The following CRAMP1 variants were observed in gnomAD, a reference collection of about 807,000 sequenced individuals.
CRAMP1 encodes the protein cramped chromatin regulator 1, also known as protein cramped-like.
A neutral mutation model predicts 115.4 loss-of-function variants in CRAMP1; 50 were observed. The ratio of observed to expected loss-of-function variants is 0.43; its 90% CI spans 0.35 to 0.55. CRAMP1 has a LOEUF of 0.55. Ranked by LOEUF, CRAMP1 falls within the 20% of genes least tolerant of loss-of-function variation. The pLI, the probability that CRAMP1 is intolerant of heterozygous loss-of-function variation, is 0.01. For missense variants in CRAMP1, 1,679 were observed against 1,721.7 expected (o/e 0.98, Z 0.44); for synonymous variants, 866 against 745.4 (o/e 1.16, Z -2.64).
At chr16:1,640,290 G>C (rs560167219) in intron 5 of CRAMP1, among the ~76,000 whole-genome samples, 1 of 152,038 alleles carries the variant, frequency 6.6e-6, no homozygotes, top group African/African-American at 2.4e-5. Flanking sequence ...CTGATCTGAC[G>C]GGTTCATTCT....
chr16:1,619,304 C>G (rs2036446717), intron 2 of CRAMP1, among the ~76,000 whole-genome samples: 1 of 152,196 alleles, frequency 6.6e-6, no homozygotes, highest in African/African-American at 2.4e-5. Context: ...TCTCAGCCTC[C>G]TGAGGAGCTG....
Position 1,671,158 on chromosome 16 carries a change from G to C in CRAMP1, c.3645+349G>C, listed in dbSNP as rs2036919107. Among the ~76,000 whole-genome samples, 1 of 152,184 alleles carries C rather than the reference G, an allele frequency of 6.6e-6. No homozygotes were observed. Among genetic ancestry groups the C allele is most frequent in the African/African-American group, 2.4e-5 (1 of 41,432 alleles). Reference sequence around the variant, plus strand: ...CTGGCTGTGAGGTGCTGAGGTGCGGGGAGTGTTGTGGAGGGAGGAGTAAGG... The same window carrying C: ...CTGGCTGTGAGGTGCTGAGGTGCGGCGAGTGTTGTGGAGGGAGGAGTAAGG... On this transcript the variant is annotated intron_variant, in intron 20 of 20. Transcript: ENST00000397412. The surrounding 1 kb of genome is among the most constrained non-coding windows in gnomAD (Gnocchi z 5.0).
At chr16:1,623,670 T>G (rs1325547981) in intron 2 of CRAMP1, among the ~76,000 whole-genome samples, 1 of 152,142 alleles carries the variant, frequency 6.6e-6, no homozygotes, top group African/African-American at 2.4e-5. Context: ...GGTGCAGAGG[T>G]GGACAGGCAG....
chr16:1,660,086 C>T (rs545451396), intron 11 of CRAMP1, 23 bp downstream of exon 11: 2 of 1,514,464 alleles, frequency 1.3e-6, no homozygotes, highest in South Asian at 1.2e-5. Flanking sequence ...CAGCCACACT[C>T]CTTGTGCCTG....
In CRAMP1 at chr16:1,669,009, G is replaced by C; in HGVS notation, c.3343G>C (p.Val1115Leu). The C allele has an allele frequency of 6.2e-7, 1 of 1,613,118 alleles. No individual in the cohort carries two copies. The highest frequency in any genetic ancestry group is 8.5e-7 in the Non-Finnish European group (1 of 1,179,486). The change falls in exon 19 of 21, where the codon GTC (valine) becomes CTC (leucine). Residue 1115 changes from valine (V) to leucine (L), a missense_variant. Physicochemically the swap from Val to Leu is conservative, Grantham distance 32 (BLOSUM62 1). Around this residue, in one of 8 missense-constraint regions of CRAMP1, gnomAD observed 709 missense variants for 741.9 expected, o/e 0.96. Transcript: ENST00000397412. The surrounding 1 kb of genome is among the most constrained non-coding windows in gnomAD (Gnocchi z 4.6). ...AISSGQYGEG[V>L]PLSPAKLNGS... is the part of the protein sequence containing the mutation. ...GGGATCTTGGTTGGCAGGTGAAGGA[G>C]TCCCTCTTTCTCCAGCAAAACTGAA...
intron 3 of CRAMP1, among the ~76,000 whole-genome samples, chr16:1,629,414 C>T (rs553256854): frequency 6.6e-6 from 1 of 152,298 alleles, no homozygotes; most frequent in Admixed American, 6.5e-5. Context: ...TTCTCATTGC[C>T]GTTACCGTGT....
At chr16:1,620,867 C>T (rs538477374) in intron 2 of CRAMP1, among the ~76,000 whole-genome samples, 50 of 151,828 alleles carry the variant, frequency 3.3e-4, no homozygotes, top group African/African-American at 9.9e-4. Context: ...GAGAAGGTTG[C>T]GTGGTTCTTG....
chr16:1,667,603 C>T (rs1264469796), intron 17 of CRAMP1, among the ~76,000 whole-genome samples: 1 of 152,204 alleles, frequency 6.6e-6, no homozygotes, highest in East Asian at 1.9e-4. Context: ...TCCCTCCTCC[C>T]CTCTCCAAGG....
At chr16:1,663,084 G>C (rs1287127540) in intron 13 of CRAMP1, among the ~76,000 whole-genome samples, 2 of 152,240 alleles carry the variant, frequency 1.3e-5, no homozygotes, top group Non-Finnish European at 2.9e-5. Flanking sequence ...CAAGTCCAAA[G>C]AATGTCCCAG....
intron 9 of CRAMP1, among the ~76,000 whole-genome samples, 176 bp downstream of exon 9, chr16:1,655,476 G>T (rs2036763146): frequency 1.3e-5 from 2 of 152,156 alleles, no homozygotes; most frequent in African/African-American, 4.8e-5. Context: ...TGGGTGTGGA[G>T]CCCCCTCTGT....
intron 8 of CRAMP1, 135 bp from the exon 9 acceptor site, chr16:1,655,084 G>A (rs552917019): frequency 1.7e-5 from 12 of 700,142 alleles, no homozygotes; most frequent in Non-Finnish European, 2.5e-5. Context: ...CCCTGCAGAC[G>A]CCCGCTCCCG....
Position 1,624,647 on chromosome 16 carries a change from C to T in CRAMP1, c.347-1326C>T, listed in dbSNP as rs960180888. On this transcript the variant is annotated intron_variant, in intron 2 of 20. Transcript: ENST00000397412. ...AGGCTGGAGTGCAGTGGCGCGATCT[C>T]GGCTCACTGCAACCACTGCCTCCCA... Among the ~76,000 whole-genome samples the T allele has an allele frequency of 2.6e-5, 4 of 152,162 alleles. No homozygotes were observed. The East Asian group carries it at 5.8e-4, about 22-fold the overall frequency.
At chr16:1,653,814 C>T (rs1596492869) in intron 8 of CRAMP1, among the ~76,000 whole-genome samples, 2 of 133,868 alleles carry the variant, frequency 1.5e-5, no homozygotes, top group African/African-American at 5.7e-5. Context: ...GAGCAAGACT[C>T]TGTCTCAAAA....
rs766003025 is a variant in CRAMP1, at chr16:1,652,577, A to C, written c.909A>C (p.Pro303=). Reference sequence around the variant, plus strand: ...GGGCCCTGAAGAAGCTGTGCGATCCAGATGGTAAGTGAATGGGGCGCTCCC... The same window carrying C: ...GGGCCCTGAAGAAGCTGTGCGATCCCGATGGTAAGTGAATGGGGCGCTCCC... ...MCRALKKLCD[P]DGLSDEEDQK... is the part of the protein sequence containing the mutation. The change falls in exon 7 of 21, where the codon CCA becomes CCC. Residue 303 remains proline, a synonymous_variant. Transcript: ENST00000397412. 1 of 1,552,578 alleles carries C rather than the reference A, an allele frequency of 6.4e-7. No homozygotes were observed. The highest frequency in any genetic ancestry group is 1.2e-5 in the South Asian group (1 of 84,106).
chr16:1,623,558 G>A (rs990560962), intron 2 of CRAMP1, among the ~76,000 whole-genome samples: 1 of 152,228 alleles, frequency 6.6e-6, no homozygotes, highest in Non-Finnish European at 1.5e-5. Flanking sequence ...AACCTGATAC[G>A]TAACGGCAGG....
chr16:1,641,297 C>T, intron 6 of CRAMP1, 110 bp downstream of exon 6: 2 of 796,824 alleles, frequency 2.5e-6, no homozygotes, highest in Non-Finnish European at 4.4e-6. Context: ...GTTAAAACTT[C>T]ATAACCTCTC....
rs967458997 is a variant in CRAMP1 at position 1,662,428 on chromosome 16, G to A, written c.2414-62G>A. 26 of 1,362,872 alleles carry A rather than the reference G, an allele frequency of 1.9e-5. 1 individual carries two copies. Among genetic ancestry groups the A allele is most frequent in the African/African-American group, 7.2e-5 (5 of 69,376 alleles). The allele number at this position is 1,362,872 out of a possible 1,614,324, so 84.4% of individuals were successfully genotyped here. On this transcript the variant is annotated intron_variant, in intron 11 of 20. Coordinates refer to ENST00000397412, the MANE Select transcript of CRAMP1 (RefSeq NM_020825.4). ...CTGACTTTCTTCCCAACGGAATTCC[G>A]TGACCCTGGACCTGTTGCTAGGTGA...
At chr16:1,651,500 A>C (rs2036722714) in intron 6 of CRAMP1, among the ~76,000 whole-genome samples, 1 of 150,510 alleles carries the variant, frequency 6.6e-6, no homozygotes, top group Non-Finnish European at 1.5e-5. Context: ...AGGTGGATTG[A>C]GGTCACACAC....
intron 10 of CRAMP1, among the ~76,000 whole-genome samples, chr16:1,657,261 C>T (rs200128960): frequency 3.3e-5 from 5 of 152,366 alleles, no homozygotes; most frequent in East Asian, 3.9e-4. Flanking sequence ...TCCCCACTTA[C>T]GTGCACGGTT....
Sources: gnomAD v4.1 joint callset for allele counts (sites outside exome capture counted in the v4.1 genomes callset) on GRCh38, gnomAD v4.1.1 for gene constraint, gnomAD v4.1.1 regional missense constraint, Gnocchi (gnomAD v3.1) non-coding constraint, MANE v1.5 for transcripts, NCBI Gene and HGNC (gene_info 2026-07-23, HGNC 2026-07-21) for gene names.